Variants in CROCC observed in about 807,000 individuals in gnomAD.
The protein encoded by CROCC is rootletin.
CROCC carries 180 observed loss-of-function variants against 245.2 expected under a neutral mutation model. The ratio of observed to expected loss-of-function variants is 0.73; its 90% CI spans 0.65 to 0.83. CROCC has a LOEUF of 0.83. Ranked by LOEUF, CROCC falls within the 40% of genes least tolerant of loss-of-function variation. The pLI is 0.00. For synonymous variants in CROCC, 1,205 were observed against 1,241.6 expected, an observed-to-expected ratio of 0.97 and a Z score of 0.62; for missense variants, 2,688 against 2,779.4, an observed-to-expected ratio of 0.97 and a Z score of 0.74.
At chr1:16,945,123 C>T (rs1379135913) in intron 14 of CROCC, among the ~76,000 whole-genome samples, 2 of 152,266 alleles carry the variant, frequency 1.3e-5, no homozygotes, top group Non-Finnish European at 2.9e-5. Context: ...ATCCCAGCTA[C>T]TCGGGAGGCT....
In CROCC at chr1:16,965,840, G is replaced by A. The variant is rs768510950; in HGVS notation, c.4523G>A (p.Arg1508His). The change falls in exon 28 of 37, where the codon CGC becomes CAC. Residue 1508 changes from arginine to histidine, a missense_variant. Transcript: ENST00000375541. ...ASPDLDPEAV[R>H]GALREFLQEL... The stretch of plus-strand genomic sequence containing the variant: ...CCAGACCTGGACCCGGAGGCAGTGC[G>A]CGGGGCCCTCCGGGAATTCCTGCAA... 1.7e-5 allele frequency: 27 copies of A among 1,613,588 alleles called. No individual in the cohort carries two copies. The highest frequency in any genetic ancestry group is 2.2e-5 in the East Asian group (1 of 44,896).
chr1:16,965,701 G>A (rs2076404079), intron 27 of CROCC, 22 bp from the exon 28 acceptor site: 1 of 1,561,870 alleles, frequency 6.4e-7, no homozygotes, highest in African/African-American at 1.4e-5. Flanking sequence ...GCATCACTGA[G>A]CAAGTCTTCT....
At chr1:16,948,197 A>G in intron 17 of CROCC, 134 bp from the exon 18 acceptor site, 1 of 1,407,856 alleles carries the variant, frequency 7.1e-7, no homozygotes, top group Admixed American at 3.0e-5. Flanking sequence ...AAGTACATGT[A>G]GCACATCAGG....
At chr1:16,928,498 T>C (rs1186516781) in intron 3 of CROCC, among the ~76,000 whole-genome samples, 1 of 149,942 alleles carries the variant, frequency 6.7e-6, no homozygotes. Context: ...GAGGGGACCT[T>C]TTTTTTTTTA....
chr1:16,969,997 C>T lies in CROCC; in HGVS notation c.5451+63C>T, dbSNP rs565963416. On this transcript the variant is annotated intron_variant, in intron 33 of 36. Transcript: ENST00000375541. ...GTGAGGCCCTAGGATAGGGTGGGGA[C>T]GTTCCCACCCATCTCAACCTCATCC... The T allele has an allele frequency of 7.2e-5, 108 of 1,509,706 alleles. 2 individuals are homozygous for T. The South Asian group carries it at 1.1e-3, about 16-fold the overall frequency. 93.5% of individuals were successfully genotyped at this position (1,509,706 alleles called of 1,614,324 possible). A position where few individuals can be genotyped will look rare whatever the true frequency, so the allele number is the denominator to read the frequency against.
intron 12 of CROCC, 67 bp downstream of exon 12, chr1:16,939,209 T>TGGGGGCGTGGGC: frequency 1.4e-6 from 1 of 695,988 alleles, no homozygotes; most frequent in Non-Finnish European, 2.1e-6. Flanking sequence ...GCCCTCCGGG[T>TGGGGGCGTGGGC]GGGGGCGGGG....
At chr1:16,931,250 G>A (rs570592104) in intron 7 of CROCC, 41 bp from the exon 8 acceptor site, 90 of 1,553,000 alleles carry the variant, frequency 5.8e-5, no homozygotes, top group East Asian at 9.0e-5. Flanking sequence ...GAGTAAACCC[G>A]CTCTCACACC....
At chr1:16,920,759 T>G (rs1490375835), upstream of CROCC, among the ~76,000 whole-genome samples, 2 of 151,774 alleles carry the variant, frequency 1.3e-5, no homozygotes, top group Non-Finnish European at 1.5e-5. Context: ...TTTTTTTTTT[T>G]TGAGACAAAG....
At chr1:16,950,762 A>G (rs1314909165) in intron 19 of CROCC, among the ~76,000 whole-genome samples, 191 bp from the exon 20 acceptor site, 1 of 152,262 alleles carries the variant, frequency 6.6e-6, no homozygotes, top group African/African-American at 2.4e-5. Context: ...GGTCAGGGCC[A>G]GTGGGCCCAT....
rs1421717237 is a variant in CROCC, at chr1:16,956,073, G to A, written c.3781G>A (p.Ala1261Thr). The change falls in exon 25 of 37, where the codon GCC becomes ACC. Residue 1261 changes from alanine to threonine, a missense_variant. Coordinates refer to ENST00000375541, the MANE Select transcript of CROCC (RefSeq NM_014675.5). ...GGCACGGACAGCTGTGGGCAAGGAG[G>A]CCGGGGAGCTGCGAACTGGGCTGCA... ...EEARTAVGKE[A>T]GELRTGLQEV... 2.6e-6 allele frequency: 4 copies of A among 1,551,170 alleles called. No homozygotes were observed. Among genetic ancestry groups the A allele is most frequent in the East Asian group, 4.9e-5 (2 of 40,924 alleles).
In CROCC at chr1:16,965,841, C is replaced by T. The variant is rs776553947; in HGVS notation, c.4524C>T (p.Arg1508=). ...ASPDLDPEAV[R]GALREFLQEL... ...CAGACCTGGACCCGGAGGCAGTGCGCGGGGCCCTCCGGGAATTCCTGCAAG... is the reference window on the plus strand; with the variant it reads ...CAGACCTGGACCCGGAGGCAGTGCGTGGGGCCCTCCGGGAATTCCTGCAAG... The change falls in exon 28 of 37, where the codon CGC becomes CGT. Residue 1508 remains arginine, a synonymous_variant. Coordinates refer to ENST00000375541, the MANE Select transcript of CROCC (RefSeq NM_014675.5). The T allele has an allele frequency of 9.3e-6, 15 of 1,613,526 alleles. No homozygotes were observed. The highest frequency in any genetic ancestry group is 5.0e-5 in the Admixed American group (3 of 60,006).
chr1:16,954,447 C>T lies in CROCC; in HGVS notation c.3321+90C>T, dbSNP rs1471038051. The T allele has an allele frequency of 1.3e-6, 2 of 1,481,698 alleles. No homozygotes were observed. Among genetic ancestry groups the T allele is most frequent in the Middle Eastern group, 2.4e-4 (1 of 4,236 alleles). 91.8% of individuals were successfully genotyped at this position (1,481,698 alleles called of 1,614,324 possible). ...CCACCACGGGGCGGCATGGCCCTGT[C>T]CTGGAGAAGCTTCCAGGCTGTGGGA... On this transcript the variant is annotated intron_variant, in intron 22 of 36. Coordinates refer to ENST00000375541, the MANE Select transcript of CROCC (RefSeq NM_014675.5). This position sits in a 1 kb window ranked among gnomAD's most constrained non-coding sequence, Gnocchi z 4.4.
At chr1:16,955,183 C>G in intron 23 of CROCC, 129 bp from the exon 24 acceptor site, 1 of 887,650 alleles carries the variant, frequency 1.1e-6, no homozygotes, top group South Asian at 1.6e-5. Context: ...AATGATAACT[C>G]ACAGCCTGCG....
In CROCC at chr1:16,922,603, C is replaced by T. The variant is rs143935377; in HGVS notation, c.61-60C>T. The stretch of plus-strand genomic sequence containing the variant: ...GGCAGTAGGATTCTGTGGCTCTCCC[C>T]ACGAGGCCAGGGAGCCCCGGGTCCC... On this transcript the variant is annotated intron_variant, in intron 1 of 36. Transcript: ENST00000375541. The T allele has an allele frequency of 2.6e-4, 393 of 1,535,238 alleles. No homozygotes were observed. The African/African-American group carries it at 4.9e-3, about 19-fold the overall frequency.
rs1206805414 is a variant in CROCC, at chr1:16,938,957, C to T, written c.1423C>T (p.Arg475Cys). ...CGGCGTCCAGCTGAGCGGCTCTGAG[C>T]GCACCGCGGATGCTTCCAACGGCAG... ...ESGVQLSGSE[R>C]TADASNGSLR... Residue 475 changes from arginine to cysteine, a missense_variant, in exon 12 of 37, where the codon CGC becomes TGC. Physicochemically the swap from Arg to Cys is radical, Grantham distance 180. Coordinates refer to ENST00000375541, the MANE Select transcript of CROCC (RefSeq NM_014675.5). 5.6e-6 allele frequency: 9 copies of T among 1,605,118 alleles called. No homozygotes were observed. Among genetic ancestry groups the T allele is most frequent in the Admixed American group, 1.7e-5 (1 of 57,302 alleles).
chr1:16,947,044 G>C (rs1159383370), intron 17 of CROCC, 53 bp downstream of exon 17: 4 of 1,459,656 alleles, frequency 2.7e-6, no homozygotes, highest in Non-Finnish European at 3.7e-6. Context: ...GGCAGGCCGG[G>C]CTCCCAGCCC....
intron 26 of CROCC, 148 bp from the exon 27 acceptor site, chr1:16,960,610 G>A: frequency 8.9e-7 from 1 of 1,122,466 alleles, no homozygotes; most frequent in Non-Finnish European, 1.1e-6. Flanking sequence ...GGATGTTTTT[G>A]CACCGCCTGC....
chr1:16,971,385 GGAGGTACCT>G, intron 35 of CROCC, 71 bp from the exon 36 acceptor site: 1 of 1,447,230 alleles, frequency 6.9e-7, no homozygotes, highest in South Asian at 1.4e-5. Context: ...CGTGTCCCAG[GGAGGTACCT>G]GACAACCCGT....
At chr1:16,922,170 G>A (rs1570578219) in intron 1 of CROCC, 92 bp downstream of exon 1, 3 of 1,292,158 alleles carry the variant, frequency 2.3e-6, no homozygotes, top group East Asian at 5.2e-5. Flanking sequence ...TGGGGATCAA[G>A]GGGTGGGAGA....
Sources: allele counts gnomAD v4.1 joint callset (sites outside exome capture counted in the v4.1 genomes callset), GRCh38; gene constraint gnomAD v4.1.1; non-coding constraint Gnocchi (gnomAD v3.1); transcripts MANE v1.5; gene names NCBI Gene and HGNC (gene_info 2026-07-23, HGNC 2026-07-21).